The following TBC1D15 variants were observed in gnomAD, a reference collection of about 807,000 sequenced individuals.
TBC1D15 encodes the protein GAP for RAB7.
In TBC1D15, 39 loss-of-function variants were observed where a neutral mutation model predicts 95.4. That is an observed-to-expected ratio of 0.41 (90% CI 0.32 to 0.53). The LOEUF (loss-of-function observed/expected upper bound fraction) is 0.53. Among genes scored for constraint, TBC1D15 ranks in the 20% least tolerant of loss-of-function variants. The pLI is 0.29. For missense variants in TBC1D15, 733 were observed against 794.3 expected (o/e 0.92, Z 0.93); for synonymous variants, 258 against 261.3 (o/e 0.99, Z 0.12).
chr12:71,893,556 A>G (rs1449104945), intron 6 of TBC1D15, among the ~76,000 whole-genome samples: 2 of 151,882 alleles, frequency 1.3e-5, no homozygotes, highest in Admixed American at 6.6e-5. Flanking sequence ...GTTACTCATA[A>G]GGAAATTTCT....
chr12:71,842,830 CAAAA>C (rs58842371), intron 1 of TBC1D15, among the ~76,000 whole-genome samples: 1 of 84,836 alleles, frequency 1.2e-5, no homozygotes, highest in African/African-American at 3.8e-5. Flanking sequence ...GACCCTGTCT[CAAAA>C]AAAAAAAAAA....
At chr12:71,841,450 T>C (rs1374254649) in intron 1 of TBC1D15, among the ~76,000 whole-genome samples, 6 of 152,302 alleles carry the variant, frequency 3.9e-5, no homozygotes, top group African/African-American at 1.4e-4. Context: ...TGCCAAAAGC[T>C]GCTCCTCTCC....
intron 1 of TBC1D15, among the ~76,000 whole-genome samples, chr12:71,871,112 A>C (rs373381823): frequency 6.6e-6 from 1 of 152,196 alleles, no homozygotes; most frequent in Non-Finnish European, 1.5e-5. Context: ...ATGGAATCTC[A>C]ATTTATAACA....
chr12:71,872,047 T>C, intron 1 of TBC1D15, 23 bp from the exon 2 acceptor site: 1 of 1,143,810 alleles, frequency 8.7e-7, no homozygotes, highest in East Asian at 2.7e-5. Context: ...ATTATGTGAC[T>C]AACTTTATTT....
rs962030370 is a variant in TBC1D15, at chr12:71,885,103, G to A, written c.554+82G>A. 137 of 1,388,992 alleles carry A rather than the reference G, an allele frequency of 9.9e-5. No homozygotes were observed. The African/African-American group carries it at 1.7e-3, about 17-fold the overall frequency. 86.0% of individuals were successfully genotyped at this position (1,388,992 alleles called of 1,614,324 possible). On this transcript the variant is annotated intron_variant, in intron 5 of 16. Coordinates refer to ENST00000485960, the MANE Select transcript of TBC1D15 (RefSeq NM_001146213.3). ...GCAAACTATTTTTACTTGACCTTGG[G>A]CATCAGTGACCTATTTGCATATGAG...
At chr12:71,922,873 G>A in intron 16 of TBC1D15, 110 bp from the exon 17 acceptor site, 1 of 1,035,552 alleles carries the variant, frequency 9.7e-7, no homozygotes. Flanking sequence ...ACACTGTTAG[G>A]ACAAATGCTC....
chr12:71,849,988 A>G, intron 1 of TBC1D15: 1 of 512,726 alleles, frequency 2.0e-6, no homozygotes, highest in East Asian at 4.5e-5. Flanking sequence ...ATAGCTCTAA[A>G]CTCAAAAAAT....
intron 5 of TBC1D15, among the ~76,000 whole-genome samples, chr12:71,892,767 A>G (rs551189847): frequency 8.6e-4 from 131 of 151,810 alleles, no homozygotes; most frequent in African/African-American, 2.9e-3. Flanking sequence ...TAAGCTGTGA[A>G]TGAAGGTGGA....
At chr12:71,882,224 G>C (rs1189116123) in intron 4 of TBC1D15, among the ~76,000 whole-genome samples, 1 of 151,970 alleles carries the variant, frequency 6.6e-6, no homozygotes, top group African/African-American at 2.4e-5. Flanking sequence ...TATTTCTTAA[G>C]AGCATTTTGC....
At chr12:71,892,506 G>C (rs1897365865) in intron 5 of TBC1D15, among the ~76,000 whole-genome samples, 3 of 151,974 alleles carry the variant, frequency 2.0e-5, no homozygotes. Flanking sequence ...TAATTTGTCA[G>C]ATGACTAGAA....
chr12:71,922,761 A>G (rs555303516), intron 16 of TBC1D15, among the ~76,000 whole-genome samples: 3 of 152,174 alleles, frequency 2.0e-5, no homozygotes, highest in African/African-American at 7.2e-5. Flanking sequence ...TGGGATGGAG[A>G]GTGACTAATT....
intron 12 of TBC1D15, among the ~76,000 whole-genome samples, chr12:71,914,448 T>C (rs60038261): frequency 0.027 from 4,175 of 152,106 alleles, 194 homozygotes; most frequent in African/African-American, 0.094. Context: ...GAACTGTCTA[T>C]ATATACATGT....
At chr12:71,878,618 C>T (rs1481745392) in intron 3 of TBC1D15, among the ~76,000 whole-genome samples, 3 of 151,448 alleles carry the variant, frequency 2.0e-5, no homozygotes, top group African/African-American at 7.3e-5. Flanking sequence ...CGAGTTCAAG[C>T]GATTCTGGTG....
chr12:71,848,748 TA>T (rs1223708085), intron 1 of TBC1D15, among the ~76,000 whole-genome samples: 2 of 152,218 alleles, frequency 1.3e-5, no homozygotes, highest in Non-Finnish European at 2.9e-5. Context: ...GTTTTAAGGT[TA>T]ATACATAGAG....
chr12:71,903,716 A>G (rs1455828755), intron 10 of TBC1D15, among the ~76,000 whole-genome samples: 4 of 152,220 alleles, frequency 2.6e-5, no homozygotes, highest in Non-Finnish European at 5.9e-5. Flanking sequence ...TTGCAGCAAC[A>G]TAGATGGAAC....
At chr12:71,920,608 G>T in intron 14 of TBC1D15, 123 bp from the exon 15 acceptor site, 1 of 747,634 alleles carries the variant, frequency 1.3e-6, no homozygotes, top group Non-Finnish European at 2.3e-6. Flanking sequence ...GAAAAACCTT[G>T]GGCTACCCTA....
At chr12:71,893,394 C>A in intron 6 of TBC1D15, 70 bp downstream of exon 6, 1 of 1,035,502 alleles carries the variant, frequency 9.7e-7, no homozygotes, top group Non-Finnish European at 1.4e-6. Context: ...TTCTCATCTT[C>A]TCAGAGAGTA....
intron 1 of TBC1D15, among the ~76,000 whole-genome samples, chr12:71,866,675 T>G (rs1891570264): frequency 1.3e-5 from 2 of 152,228 alleles, no homozygotes; most frequent in Admixed American, 1.3e-4. Context: ...AGTTATGAAC[T>G]CCTAGGCTCA....
In TBC1D15 at chr12:71,905,826, A is replaced by G. The variant is rs567801666; in HGVS notation, c.1184-1196A>G. Among the ~76,000 whole-genome samples, 8 of 152,166 alleles carry G rather than the reference A, an allele frequency of 5.3e-5. No individual in the cohort carries two copies. The East Asian group carries it at 1.5e-3, about 29-fold the overall frequency. On this transcript the variant is annotated intron_variant, in intron 10 of 16. Transcript: ENST00000485960. ...TACAGAATCTAATTAAGCTCACATC[A>G]TACCCTGTTGTTAGATTCTACTCTG...
Sources: allele counts gnomAD v4.1 joint callset (sites outside exome capture counted in the v4.1 genomes callset), GRCh38; gene constraint gnomAD v4.1.1; transcripts MANE v1.5; gene names NCBI Gene and HGNC (gene_info 2026-07-23, HGNC 2026-07-21).